Variants in BMPER observed in about 807,000 individuals in gnomAD.
The protein encoded by BMPER is BMP binding endothelial regulator, also known as BMP-binding endothelial regulator protein.
BMPER carries 45 observed loss-of-function variants against 87.3 expected under a neutral mutation model. The observed-to-expected ratio is 0.52, with a 90% CI of 0.41 to 0.66. BMPER has a LOEUF of 0.66. Among genes scored for constraint, BMPER ranks in the 30% least tolerant of loss-of-function variants. The pLI is 0.00. For missense variants in BMPER, 784 were observed against 867.5 expected, an observed-to-expected ratio of 0.90 and a Z score of 1.21; for synonymous variants, 326 against 316.2, an observed-to-expected ratio of 1.03 and a Z score of -0.33.
intron 6 of BMPER, among the ~76,000 whole-genome samples, chr7:34,010,519 G>A (rs1585734094): frequency 6.6e-6 from 1 of 151,798 alleles, no homozygotes; most frequent in African/African-American, 2.4e-5. Context: ...GACATCACTT[G>A]TGCTACTCTT....
At chr7:34,074,484 T>A (rs1157016571) in intron 11 of BMPER, among the ~76,000 whole-genome samples, 20 of 152,192 alleles carry the variant, frequency 1.3e-4, no homozygotes. Flanking sequence ...CAAACAGCCT[T>A]TCCTGATTCT....
chr7:33,933,589 C>A (rs1784531387), intron 2 of BMPER, among the ~76,000 whole-genome samples: 1 of 152,098 alleles, frequency 6.6e-6, no homozygotes, highest in African/African-American at 2.4e-5. Context: ...CTTTCAGAGG[C>A]ATGATAGGCA....
chr7:33,919,198 G>A (rs898069274), intron 2 of BMPER, among the ~76,000 whole-genome samples: 2 of 152,156 alleles, frequency 1.3e-5, no homozygotes, highest in East Asian at 3.8e-4. Flanking sequence ...CTAGATTTTG[G>A]AGTTATGAAA....
chr7:33,978,808 A>G (rs981536262), intron 6 of BMPER, among the ~76,000 whole-genome samples: 3 of 152,214 alleles, frequency 2.0e-5, no homozygotes, highest in East Asian at 3.8e-4. Flanking sequence ...ATATTAGCAT[A>G]TGGTTGGAAA....
At chr7:33,990,020 C>T (rs1456825618) in intron 6 of BMPER, among the ~76,000 whole-genome samples, 1 of 151,700 alleles carries the variant, frequency 6.6e-6, no homozygotes, top group African/African-American at 2.4e-5. Flanking sequence ...TTACTGTAGC[C>T]TTGTAGTATA....
At chr7:33,937,445 C>A in intron 3 of BMPER, 57 bp downstream of exon 3, 2 of 1,549,426 alleles carry the variant, frequency 1.3e-6, no homozygotes, top group Non-Finnish European at 1.8e-6. Context: ...ATTTTTATTT[C>A]TCTTTCTCTC....
At chr7:34,106,161 C>T (rs181252457) in intron 13 of BMPER, among the ~76,000 whole-genome samples, 130 of 152,288 alleles carry the variant, frequency 8.5e-4, no homozygotes, top group African/African-American at 3.0e-3. Context: ...GGGGACTCTA[C>T]GTATCCAATG....
intron 6 of BMPER, among the ~76,000 whole-genome samples, chr7:34,008,169 T>TATGG (rs1187884576): frequency 6.6e-6 from 1 of 152,006 alleles, no homozygotes; most frequent in African/African-American, 2.4e-5. Context: ...ACTAATGAAA[T>TATGG]ATGGTACTTA....
rs558228812 is a variant in BMPER, at chr7:34,024,497, T to G, written c.577-21809T>G. On this transcript the variant is annotated intron_variant, in intron 6 of 14. Coordinates refer to ENST00000649409, the MANE Select transcript of BMPER (RefSeq NM_001365308.1). ...TGCTAAAAGTTCATGATGAAACCAG[T>G]AATGTCCCATTCCTCTAATCTTTGT... 3.7e-5 allele frequency among the ~76,000 whole-genome samples: 5 copies of G among 136,446 alleles called. No homozygotes were observed. In the South Asian group the frequency reaches 1.2e-3, roughly 34 times the overall value. The allele number at this position is 136,446 out of a possible 152,430, so 89.5% of individuals were successfully genotyped here.
intron 13 of BMPER, among the ~76,000 whole-genome samples, chr7:34,112,828 A>G (rs1002779977): frequency 7.9e-5 from 12 of 151,988 alleles, no homozygotes; most frequent in African/African-American, 2.4e-4. Flanking sequence ...ATATTAACTC[A>G]TTTAATATGA....
intron 3 of BMPER, among the ~76,000 whole-genome samples, chr7:33,939,172 G>A (rs745992848): frequency 6.6e-6 from 1 of 152,040 alleles, no homozygotes; most frequent in South Asian, 2.1e-4. Flanking sequence ...ACAAGCTTTC[G>A]GTTTGCTTCT....
At chr7:33,982,431 A>G (rs1785889516) in intron 6 of BMPER, among the ~76,000 whole-genome samples, 1 of 151,904 alleles carries the variant, frequency 6.6e-6, no homozygotes, top group African/African-American at 2.4e-5. Context: ...AGTCTGAAAT[A>G]TTGGTGTAAT....
chr7:33,972,587 C>A (rs953315923), intron 5 of BMPER, among the ~76,000 whole-genome samples: 1 of 152,062 alleles, frequency 6.6e-6, no homozygotes, highest in Non-Finnish European at 1.5e-5. Context: ...TGCCTGAGGT[C>A]CGTGAGTGAG....
intron 2 of BMPER, among the ~76,000 whole-genome samples, chr7:33,926,765 G>T (rs549226322): frequency 2.3e-4 from 35 of 152,348 alleles, no homozygotes; most frequent in Non-Finnish European, 1.2e-4. Flanking sequence ...TCATACAGGG[G>T]ACGCTGTCCA....
At chr7:34,065,603 T>A (rs1223385287) in intron 11 of BMPER, among the ~76,000 whole-genome samples, 2 of 152,208 alleles carry the variant, frequency 1.3e-5, no homozygotes, top group African/African-American at 4.8e-5. Context: ...GAGAGTAAAG[T>A]GAGACTGGAA....
Position 33,936,788 on chromosome 7 carries a change from C to T in BMPER, c.220-501C>T, listed in dbSNP as rs58151511. On this transcript the variant is annotated intron_variant, in intron 2 of 14. Transcript: ENST00000649409. The stretch of plus-strand genomic sequence containing the variant: ...AATATTATTTTTTCTTTTACCAAGC[C>T]GATCCAATATTCAACTTTGTCATTA... Among the ~76,000 whole-genome samples the T allele has an allele frequency of 6.7e-3, 1,022 of 152,204 alleles. 8 individuals are homozygous for T. Among genetic ancestry groups the T allele is most frequent in the African/African-American group, 0.023 (957 of 41,530 alleles).
intron 2 of BMPER, among the ~76,000 whole-genome samples, chr7:33,935,504 CTG>C (rs1387335859): frequency 2.0e-5 from 3 of 152,058 alleles, no homozygotes; most frequent in African/African-American, 7.2e-5. Flanking sequence ...ATGAGGGCCC[CTG>C]TCTCACAGGA....
chr7:33,968,009 A>G lies in BMPER; in HGVS notation c.402+1448A>G, dbSNP rs571908440. ...TGTTGACTGAATAACACATTAAGCC[A>G]TTATCCATTGTTAACCCTGAACCTC... On this transcript the variant is annotated intron_variant, in intron 4 of 14. Transcript: ENST00000649409. Among the ~76,000 whole-genome samples, 112 of 152,306 alleles carry G rather than the reference A, an allele frequency of 7.4e-4. 1 individual carries two copies. The highest frequency in any genetic ancestry group is 2.6e-3 in the Admixed American group (40 of 15,284).
At chr7:34,126,388 T>C (rs1790403294) in intron 13 of BMPER, among the ~76,000 whole-genome samples, 1 of 152,158 alleles carries the variant, frequency 6.6e-6, no homozygotes. Context: ...GTACTTTAAA[T>C]GTGATGAGAT....
Sources: gnomAD v4.1 joint callset for allele counts (sites outside exome capture counted in the v4.1 genomes callset) on GRCh38, gnomAD v4.1.1 for gene constraint, MANE v1.5 for transcripts, NCBI Gene and HGNC (gene_info 2026-07-23, HGNC 2026-07-21) for gene names.